The following TRIM69 variants were observed in gnomAD, a reference collection of about 807,000 sequenced individuals.
The protein encoded by TRIM69 is tripartite motif containing 69, also known as E3 ubiquitin-protein ligase TRIM69.
Under a neutral mutation model 37.7 loss-of-function variants are expected in TRIM69, and 29 were observed. The observed-to-expected ratio is 0.77, with a 90% CI of 0.57 to 1.05. The LOEUF is 1.05. Ranked by LOEUF, TRIM69 falls within the 50% of genes least tolerant of loss-of-function variation. The pLI, the probability that TRIM69 is intolerant of heterozygous loss-of-function variation, is 0.00. For synonymous variants in TRIM69, 209 were observed against 212.4 expected (o/e 0.98, Z 0.14); for missense variants, 596 against 579.9 (o/e 1.03, Z -0.28).
At chr15:44,738,316 C>T (rs1391098966) in intron 1 of TRIM69, among the ~76,000 whole-genome samples, 1 of 151,728 alleles carries the variant, frequency 6.6e-6, no homozygotes, top group Admixed American at 6.6e-5. Context: ...GGTGATCCTC[C>T]TGCCTCAGCC....
intron 3 of TRIM69, 125 bp downstream of exon 3, chr15:44,756,588 A>G: frequency 1.6e-6 from 1 of 633,208 alleles, no homozygotes. Flanking sequence ...AGGCTATGGA[A>G]TTGGAAAACT....
At chr15:44,757,898 A>T (rs2087685299) in intron 3 of TRIM69, 1 of 152,296 alleles carries the variant, frequency 6.6e-6, no homozygotes, top group Non-Finnish European at 1.5e-5. Context: ...TAGATAAGAG[A>T]GGACATGAAG....
intron 1 of TRIM69, among the ~76,000 whole-genome samples, chr15:44,739,619 G>T (rs545311924): frequency 6.6e-6 from 1 of 152,192 alleles, no homozygotes; most frequent in Non-Finnish European, 1.5e-5. Flanking sequence ...ATGGAGTCTC[G>T]CTGATTGCTA....
At position 44,736,569 on chromosome 15, in the gene TRIM69, C is replaced by A. The variant is rs1384999680; in HGVS notation, c.-136C>A. The A allele has an allele frequency of 2.0e-6, 2 of 1,002,480 alleles. No individual in the cohort carries two copies. Among genetic ancestry groups the A allele is most frequent in the Non-Finnish European group, 2.9e-6 (2 of 701,486 alleles). 62.1% of individuals were successfully genotyped at this position (1,002,480 alleles called of 1,614,324 possible). ...TTGCTGCTTCTCTCCAGCTCCTGAA[C>A]TTTTCTTTCTTCCATCATGCTCTGA... On this transcript the variant is annotated 5_prime_UTR_variant, in exon 1 of 7. Transcript: ENST00000329464.
chr15:44,747,043 A>G (rs1008564188), intron 1 of TRIM69, among the ~76,000 whole-genome samples: 1 of 152,238 alleles, frequency 6.6e-6, no homozygotes, highest in African/African-American at 2.4e-5. Context: ...CTAGGGAAGC[A>G]GACCTTACAT....
chr15:44,766,821 C>T (rs1279694583), intron 6 of TRIM69, among the ~76,000 whole-genome samples: 3 of 151,736 alleles, frequency 2.0e-5, no homozygotes, highest in Non-Finnish European at 2.9e-5. Context: ...CTTTGAGAGG[C>T]CTAGGCAGGT....
chr15:44,763,343 A>G (rs2087817798), intron 6 of TRIM69, among the ~76,000 whole-genome samples: 2 of 152,260 alleles, frequency 1.3e-5, no homozygotes, highest in African/African-American at 4.8e-5. Context: ...AGAGGAAGAC[A>G]GTAGCATTAA....
At chr15:44,764,151 C>T (rs1293744016) in intron 6 of TRIM69, among the ~76,000 whole-genome samples, 1 of 152,168 alleles carries the variant, frequency 6.6e-6, no homozygotes, top group African/African-American at 2.4e-5. Flanking sequence ...TTGTAGCTGC[C>T]TTGGTATGAC....
At chr15:44,756,289 C>G in intron 2 of TRIM69, 79 bp from the exon 3 acceptor site, 2 of 983,112 alleles carry the variant, frequency 2.0e-6, no homozygotes, top group Non-Finnish European at 3.1e-6. Context: ...TTCTTGCACA[C>G]TGGGGCCTTG....
At chr15:44,738,502 A>G (rs1275373310) in intron 1 of TRIM69, among the ~76,000 whole-genome samples, 5 of 152,170 alleles carry the variant, frequency 3.3e-5, no homozygotes, top group Middle Eastern at 3.2e-3. Context: ...CTGGCAGTAG[A>G]TGTGTTTCCT....
At chr15:44,742,731 A>C (rs1234368439) in intron 1 of TRIM69, among the ~76,000 whole-genome samples, 2 of 133,086 alleles carry the variant, frequency 1.5e-5, no homozygotes, top group African/African-American at 5.5e-5. Flanking sequence ...CAAAGAGAAT[A>C]AAATACCTAG....
At chr15:44,758,253 C>A (rs560735368) in intron 3 of TRIM69, 13 of 231,914 alleles carry the variant, frequency 5.6e-5, no homozygotes, top group East Asian at 3.2e-4. Context: ...CCTCCCAATA[C>A]CCCCAGTCTA....
intron 4 of TRIM69, 143 bp downstream of exon 4, chr15:44,758,997 T>C (rs2087715542): frequency 3.5e-6 from 4 of 1,130,284 alleles, no homozygotes; most frequent in Admixed American, 2.8e-5. Context: ...TTTAAGATTC[T>C]CTGGAAGAAA....
chr15:44,752,260 G>A (rs2087550711), intron 1 of TRIM69, among the ~76,000 whole-genome samples: 1 of 152,014 alleles, frequency 6.6e-6, no homozygotes, highest in South Asian at 2.1e-4. Context: ...CTTCACATCT[G>A]TCTCTTTTTG....
chr15:44,741,165 C>T (rs2087275506), intron 1 of TRIM69, among the ~76,000 whole-genome samples: 2 of 152,108 alleles, frequency 1.3e-5, no homozygotes, highest in Non-Finnish European at 2.9e-5. Flanking sequence ...AAGAAACTCA[C>T]TCAAAACCGC....
rs1181686496 is a variant in TRIM69, at chr15:44,755,260, A to C, written c.367A>C (p.Lys123Gln). The change falls in exon 2 of 7, where the codon AAA (lysine) becomes CAA (glutamine). Residue 123 changes from lysine to glutamine, a missense_variant. Transcript: ENST00000329464. ...GTGCCCAGAGCATGGAGAGAACCTGAAACTGTTCAGTAAACCAGATGGGAA... is the reference window on the plus strand; with the variant it reads ...GTGCCCAGAGCATGGAGAGAACCTGCAACTGTTCAGTAAACCAGATGGGAA... The part of the protein sequence containing the change: ...PQCPEHGENL[K>Q]LFSKPDGKLI... 6.2e-7 allele frequency: 1 copy of C among 1,614,216 alleles called. No individual in the cohort carries two copies. The highest frequency in any genetic ancestry group is 1.1e-5 in the South Asian group (1 of 91,086).
chr15:44,766,989 G>A (rs1159494881), intron 6 of TRIM69, among the ~76,000 whole-genome samples: 1 of 133,684 alleles, frequency 7.5e-6, no homozygotes, highest in Non-Finnish European at 1.5e-5. Flanking sequence ...AACCCAGGAA[G>A]CGGAGGTTGC....
intron 6 of TRIM69, among the ~76,000 whole-genome samples, chr15:44,763,902 G>A (rs1442142021): frequency 5.3e-5 from 8 of 152,092 alleles, no homozygotes; most frequent in Non-Finnish European, 8.8e-5. Context: ...CCTACCTGAC[G>A]TTGACATATT....
chr15:44,762,521 G>T (rs1031922620), intron 6 of TRIM69, among the ~76,000 whole-genome samples: 1 of 151,880 alleles, frequency 6.6e-6, no homozygotes, highest in African/African-American at 2.4e-5. Context: ...ATATTGTCAA[G>T]TTGTCTCATG....
Sources: allele counts gnomAD v4.1 joint callset (sites outside exome capture counted in the v4.1 genomes callset), GRCh38; gene constraint gnomAD v4.1.1; transcripts MANE v1.5; gene names NCBI Gene and HGNC (gene_info 2026-07-23, HGNC 2026-07-21).